The following MATN2 variants were observed in gnomAD, a reference collection of about 807,000 sequenced individuals.
MATN2 encodes matrilin 2.
MATN2 carries 69 observed loss-of-function variants against 103.2 expected under a neutral mutation model. The ratio of observed to expected loss-of-function variants is 0.67; its 90% CI spans 0.55 to 0.82. The LOEUF (loss-of-function observed/expected upper bound fraction) is 0.82, where lower values mean the gene tolerates loss of function less well. MATN2 is among the 40% of genes least tolerant of loss of function. The pLI, the probability that MATN2 is intolerant of heterozygous loss-of-function variation, is 0.00. For missense variants in MATN2, 1,023 were observed against 1,211.5 expected, an observed-to-expected ratio of 0.84 and a Z score of 2.31; for synonymous variants, 429 against 450.2, an observed-to-expected ratio of 0.95 and a Z score of 0.60.
chr8:97,932,727 G>C (rs534525668), intron 3 of MATN2, among the ~76,000 whole-genome samples: 1 of 152,112 alleles, frequency 6.6e-6, no homozygotes, highest in African/African-American at 2.4e-5. Context: ...CAGGAAACTC[G>C]CATCCTGATT....
chr8:97,953,604 C>T (rs999059399), intron 4 of MATN2, among the ~76,000 whole-genome samples: 3 of 152,096 alleles, frequency 2.0e-5, no homozygotes, highest in African/African-American at 2.4e-5. Flanking sequence ...CTGGGCAACA[C>T]GGTGAAACCC....
chr8:97,911,449 C>G (rs933152330), intron 2 of MATN2, among the ~76,000 whole-genome samples: 4 of 152,044 alleles, frequency 2.6e-5, no homozygotes, highest in Admixed American at 1.3e-4. Flanking sequence ...TGGCTCACAC[C>G]TGTAATCCCA....
chr8:98,003,166 A>G (rs111755768), intron 7 of MATN2, among the ~76,000 whole-genome samples: 4,816 of 151,560 alleles, frequency 0.032, 113 homozygotes, highest in Non-Finnish European at 0.051. Flanking sequence ...ATCCCCGGGC[A>G]TTTGTGTTCA....
chr8:97,996,477 A>C (rs1409997986), intron 7 of MATN2, among the ~76,000 whole-genome samples: 1 of 152,136 alleles, frequency 6.6e-6, no homozygotes, highest in Admixed American at 6.5e-5. Context: ...ATGCTCATCC[A>C]TGTATATTCA....
intron 3 of MATN2, among the ~76,000 whole-genome samples, chr8:97,933,963 T>C (rs769873649): frequency 6.6e-6 from 1 of 152,230 alleles, no homozygotes; most frequent in Non-Finnish European, 1.5e-5. Context: ...CTTGCCACTC[T>C]CTTTTTACAG....
At chr8:98,006,614 C>T (rs551669838) in intron 8 of MATN2, among the ~76,000 whole-genome samples, 1 of 152,170 alleles carries the variant, frequency 6.6e-6, no homozygotes, top group Non-Finnish European at 1.5e-5. Flanking sequence ...TTGATCTTGA[C>T]CTTCCTGAGC....
At chr8:98,025,984 C>T (rs1813784411) in intron 13 of MATN2, among the ~76,000 whole-genome samples, 1 of 151,762 alleles carries the variant, frequency 6.6e-6, no homozygotes, top group South Asian at 2.1e-4. Flanking sequence ...TCAAGACCAG[C>T]CTAGCCAACA....
chr8:98,023,326 G>A (rs1230612261), intron 13 of MATN2, among the ~76,000 whole-genome samples: 1 of 151,972 alleles, frequency 6.6e-6, no homozygotes, highest in Non-Finnish European at 1.5e-5. Flanking sequence ...TATAAAATAA[G>A]GATAATAACT....
chr8:97,925,343 A>G (rs1809957892), intron 2 of MATN2, among the ~76,000 whole-genome samples: 1 of 152,088 alleles, frequency 6.6e-6, no homozygotes, highest in East Asian at 1.9e-4. Context: ...CAGTTTTTCC[A>G]CAAAGACTGA....
At chr8:97,914,497 T>C (rs1307434076) in intron 2 of MATN2, among the ~76,000 whole-genome samples, 2 of 149,218 alleles carry the variant, frequency 1.3e-5, no homozygotes, top group Admixed American at 6.8e-5. Flanking sequence ...CAGCCTCCCA[T>C]GTAGCGAGGA....
At chr8:97,964,377 A>G (rs1205532536) in intron 5 of MATN2, among the ~76,000 whole-genome samples, 1 of 151,416 alleles carries the variant, frequency 6.6e-6, no homozygotes, top group African/African-American at 2.4e-5. Context: ...GCCAGGGAAC[A>G]TTAAGAACAG....
At chr8:97,998,662 A>AT (rs200398068) in intron 7 of MATN2, among the ~76,000 whole-genome samples, 1 of 143,818 alleles carries the variant, frequency 7.0e-6, no homozygotes, top group African/African-American at 2.5e-5. Flanking sequence ...TATTTTTAAA[A>AT]TTTTAAAAAT....
Position 98,007,755 on chromosome 8 carries a change from C to G in MATN2, c.1573+154C>G, listed in dbSNP as rs560892723. Among the ~76,000 whole-genome samples, 15 of 152,270 alleles carry G rather than the reference C, an allele frequency of 9.9e-5. No homozygotes were observed. Among genetic ancestry groups the G allele is most frequent in the Admixed American group, 9.2e-4 (14 of 15,300 alleles). ...TGACAGCATCTCTTAGCCATTAAGC[C>G]TTGGTGGCTGCTTCACCAACTCCCC... On this transcript the variant is annotated intron_variant, in intron 10 of 18. Transcript: ENST00000254898. The surrounding 1 kb of genome is among the most constrained non-coding windows in gnomAD (Gnocchi z 4.2).
In MATN2 at chr8:98,027,580, G is replaced by A; in HGVS notation, c.2107G>A (p.Val703Ile). 1 of 1,613,772 alleles carries A rather than the reference G, an allele frequency of 6.2e-7. No homozygotes were observed. Among genetic ancestry groups the A allele is most frequent in the African/African-American group, 1.3e-5 (1 of 74,972 alleles). The change falls in exon 14 of 19, where the codon GTC becomes ATC. Residue 703 changes from valine (V) to isoleucine (I), a missense_variant. Transcript: ENST00000254898. ...GGGGCTGCTCCAGTATTCCACACAG[G>A]TCCACACAGAGTTCACTCTGAGAAA... ...RVGLLQYSTQ[V>I]HTEFTLRNFN...
At chr8:97,873,779 T>G (rs1295137042) in intron 1 of MATN2, among the ~76,000 whole-genome samples, 1 of 152,092 alleles carries the variant, frequency 6.6e-6, no homozygotes, top group Admixed American at 6.6e-5. Flanking sequence ...ATTTGTTTCT[T>G]TTTTAGATTT....
intron 5 of MATN2, among the ~76,000 whole-genome samples, chr8:97,977,471 CAT>C (rs909856821): frequency 3.9e-5 from 6 of 152,114 alleles, no homozygotes; most frequent in Non-Finnish European, 8.8e-5. Flanking sequence ...AGGACTCCAA[CAT>C]GTCTTTTTAG....
At chr8:97,988,169 A>ATATATAT (rs57037125) in intron 6 of MATN2, among the ~76,000 whole-genome samples, 3 of 64,532 alleles carry the variant, frequency 4.6e-5, no homozygotes, top group African/African-American at 2.4e-4. Flanking sequence ...AAAAAAAAAA[A>ATATATAT]AAATATATAT....
chr8:97,923,993 A>C (rs903605898), intron 2 of MATN2, among the ~76,000 whole-genome samples: 1 of 152,150 alleles, frequency 6.6e-6, no homozygotes, highest in African/African-American at 2.4e-5. Context: ...CTGTGACCTT[A>C]TCTGGACTTC....
chr8:97,869,510 G>A (rs1408496827), intron 1 of MATN2, among the ~76,000 whole-genome samples: 3 of 152,148 alleles, frequency 2.0e-5, no homozygotes, highest in African/African-American at 7.2e-5. Flanking sequence ...GGCCGGGAGA[G>A]CTGGGCGCGC....
Sources: allele counts gnomAD v4.1 joint callset (sites outside exome capture counted in the v4.1 genomes callset), GRCh38; gene constraint gnomAD v4.1.1; non-coding constraint Gnocchi (gnomAD v3.1); transcripts MANE v1.5; gene names NCBI Gene and HGNC (gene_info 2026-07-23, HGNC 2026-07-21).